Variants in DROSHA observed in about 807,000 individuals in gnomAD.
The protein encoded by DROSHA is ribonuclease 3.
Under a neutral mutation model 181.9 loss-of-function variants are expected in DROSHA, and 56 were observed. The observed-to-expected ratio is 0.31, with a 90% CI of 0.25 to 0.38. The LOEUF is 0.38. DROSHA is among the 10% of genes least tolerant of loss of function. The probability of loss-of-function intolerance (pLI) is 1.00; values close to 1 mark genes in which losing one functional copy is unlikely to be tolerated. For synonymous variants in DROSHA, 524 were observed against 591.2 expected, an observed-to-expected ratio of 0.89 and a Z score of 1.65; for missense variants, 1,218 against 1,743.5, an observed-to-expected ratio of 0.70 and a Z score of 5.37.
chr5:31,432,751 T>C (rs1235416091), intron 25 of DROSHA, among the ~76,000 whole-genome samples: 1 of 152,196 alleles, frequency 6.6e-6, no homozygotes, highest in East Asian at 1.9e-4. Context: ...CGTCAGTGTA[T>C]ACTAACTTTA....
At chr5:31,476,728 G>C (rs765034204) in intron 16 of DROSHA, among the ~76,000 whole-genome samples, 1 of 152,168 alleles carries the variant, frequency 6.6e-6, no homozygotes, top group Non-Finnish European at 1.5e-5. Context: ...TCCATGGAAA[G>C]GTAAGAGGAG....
chr5:31,525,192 G>A lies in DROSHA; in HGVS notation c.854+887C>T, dbSNP rs184149597. ...CTAAAAATACAAAAAGTAGCTGGGCGTGGTGGTGCACGCCTGTAATCCCAG... is the reference window on the plus strand; with the variant it reads ...CTAAAAATACAAAAAGTAGCTGGGCATGGTGGTGCACGCCTGTAATCCCAG... On this transcript the variant is annotated intron_variant, in intron 5 of 35. Transcript: ENST00000344624. Among the ~76,000 whole-genome samples, 10 of 151,968 alleles carry A rather than the reference G, an allele frequency of 6.6e-5. No homozygotes were observed. The East Asian group carries it at 1.2e-3, about 18-fold the overall frequency.
At chr5:31,442,698 C>T (rs941436611) in intron 23 of DROSHA, among the ~76,000 whole-genome samples, 7 of 152,032 alleles carry the variant, frequency 4.6e-5, no homozygotes, top group African/African-American at 1.4e-4. Context: ...CAGAATCTTT[C>T]GCACTCTGGC....
Position 31,515,124 on chromosome 5 carries a change from G to T in DROSHA, c.1154C>A (p.Thr385Asn), listed in dbSNP as rs1561282911. The T allele has an allele frequency of 1.2e-6, 2 of 1,613,912 alleles. No individual in the cohort carries two copies. Among genetic ancestry groups the T allele is most frequent in the Admixed American group, 3.3e-5 (2 of 60,006 alleles). Residue 385 changes from threonine to asparagine, a missense_variant, in exon 8 of 36, where the codon ACC becomes AAC. This residue lies in a region of DROSHA where 536 missense variants were observed against 535.4 expected (regional missense o/e 1.00). Coordinates refer to ENST00000344624, the MANE Select transcript of DROSHA (RefSeq NM_001382508.1). ...CTCGGGCTCTTTTTCCTTGATTGAGGTATAGTTCTTGTCTTTGCCAGAACT... is the reference window on the plus strand; with the variant it reads ...CTCGGGCTCTTTTTCCTTGATTGAGTTATAGTTCTTGTCTTTGCCAGAACT... ...NQSSGKDKNY[T>N]SIKEKEPEET...
At position 31,495,295 on chromosome 5, in the gene DROSHA, C is replaced by A; in HGVS notation, c.1746G>T (p.Thr582=). ...TTCTTTAGAAACTTACTAAAAAGTT[C>A]GTAGGCGGGGAGACTGTGATCCGGT... ...FHYRITVSPP[T]NFLTDRPTVI... Residue 582 remains threonine (T), a synonymous_variant, in exon 12 of 36, where the codon ACG becomes ACT. Coordinates refer to ENST00000344624, the MANE Select transcript of DROSHA (RefSeq NM_001382508.1). 1.2e-6 allele frequency: 2 copies of A among 1,613,502 alleles called. No individual in the cohort carries two copies. The highest frequency in any genetic ancestry group is 1.1e-5 in the South Asian group (1 of 90,952).
At chr5:31,449,169 T>C (rs1488134841) in intron 22 of DROSHA, 112 bp downstream of exon 22, 2 of 1,312,578 alleles carry the variant, frequency 1.5e-6, no homozygotes, top group East Asian at 5.1e-5. Context: ...AGCACTAGAA[T>C]ATGAGACGGT....
chr5:31,452,902 TCCACTTTG>T (rs1333724065), intron 20 of DROSHA, among the ~76,000 whole-genome samples: 1 of 152,212 alleles, frequency 6.6e-6, no homozygotes, highest in African/African-American at 2.4e-5. Flanking sequence ...CGGCACTTTA[TCCACTTTG>T]CTTTTATAAG....
At chr5:31,530,685 T>C (rs1310432743) in intron 3 of DROSHA, 113 bp downstream of exon 3, 2 of 385,488 alleles carry the variant, frequency 5.2e-6, no homozygotes, top group Admixed American at 4.5e-5. Context: ...AGTGATTTTC[T>C]ATCCATCTAT....
intron 23 of DROSHA, among the ~76,000 whole-genome samples, chr5:31,438,393 G>A (rs1172247229): frequency 6.6e-6 from 1 of 152,120 alleles, no homozygotes; most frequent in South Asian, 2.1e-4. Context: ...TGGAGAGGAG[G>A]GAAACAGTCA....
chr5:31,436,902 T>G (rs568992648), intron 24 of DROSHA, among the ~76,000 whole-genome samples: 1 of 152,194 alleles, frequency 6.6e-6, no homozygotes, highest in Non-Finnish European at 1.5e-5. Flanking sequence ...AATGACATTT[T>G]AAAATATCAT....
chr5:31,494,969 C>A (rs756414681), intron 12 of DROSHA, among the ~76,000 whole-genome samples: 1 of 152,128 alleles, frequency 6.6e-6, no homozygotes, highest in Non-Finnish European at 1.5e-5. Flanking sequence ...CCACCGCGCC[C>A]GGCCACCATT....
intron 30 of DROSHA, among the ~76,000 whole-genome samples, chr5:31,415,109 T>C (rs1430671775): frequency 1.3e-5 from 2 of 152,240 alleles, no homozygotes; most frequent in Non-Finnish European, 2.9e-5. Context: ...AAAAGATTTA[T>C]TCGTTTAAAT....
intron 3 of DROSHA, 129 bp downstream of exon 3, chr5:31,530,669 C>A: frequency 3.1e-6 from 1 of 322,204 alleles, no homozygotes; most frequent in Non-Finnish European, 5.6e-6. Flanking sequence ...ACGTATGAAT[C>A]TGCCCAGTGA....
Position 31,465,902 on chromosome 5 carries a change from G to A in DROSHA, c.2466+280C>T, listed in dbSNP as rs149708871. On this transcript the variant is annotated intron_variant, in intron 19 of 35. Transcript: ENST00000344624. ...TGCTTCTTGTACAGCCTGCAGAAAC[G>A]TGCACCAAATAAACCTCTTTTCTTT... 3.4e-3 allele frequency among the ~76,000 whole-genome samples: 524 copies of A among 152,062 alleles called. 4 individuals are homozygous for A. The highest frequency in any genetic ancestry group is 0.012 in the African/African-American group (502 of 41,488).
chr5:31,408,008 A>C (rs1019385896), intron 33 of DROSHA, among the ~76,000 whole-genome samples: 8 of 152,204 alleles, frequency 5.3e-5, no homozygotes, highest in Non-Finnish European at 1.0e-4. Flanking sequence ...ATGGTTTAGC[A>C]GTGACAACTT....
chr5:31,482,777 C>T lies in DROSHA; in HGVS notation c.2071+777G>A, dbSNP rs201946536. Among the ~76,000 whole-genome samples the T allele has an allele frequency of 4.5e-3, 644 of 144,458 alleles. 5 individuals carry two copies. Among genetic ancestry groups the T allele is most frequent in the African/African-American group, 0.015 (607 of 39,408 alleles). The allele number at this position is 144,458 out of a possible 152,430, so 94.8% of individuals were successfully genotyped here. A position where few individuals can be genotyped will look rare whatever the true frequency, so the allele number is the denominator to read the frequency against. On this transcript the variant is annotated intron_variant, in intron 16 of 35. Transcript: ENST00000344624. ...CAGAAGCCTCAAGGAGAAAGATTTG[C>T]AAACAAAAAGGCAACCAAAAGATTT...
chr5:31,422,769 T>C lies in DROSHA; in HGVS notation c.3419+18A>G. 2 of 1,613,474 alleles carry C rather than the reference T, an allele frequency of 1.2e-6. No homozygotes were observed. The highest frequency in any genetic ancestry group is 2.2e-5 in the East Asian group (1 of 44,858). On this transcript the variant is annotated intron_variant, in intron 29 of 35. Coordinates refer to ENST00000344624, the MANE Select transcript of DROSHA (RefSeq NM_001382508.1). The stretch of plus-strand genomic sequence containing the variant: ...TCTAAATGGTCACATTGGGACTACA[T>C]GAGAACTTTTAACTCACAGGGTCAG...
At chr5:31,515,633 A>C in intron 6 of DROSHA, 69 bp from the exon 7 acceptor site, 1 of 1,541,224 alleles carries the variant, frequency 6.5e-7, no homozygotes, top group Non-Finnish European at 8.8e-7. Flanking sequence ...CAATGAGAAT[A>C]CCAGTTTTGA....
At chr5:31,493,669 C>T (rs566576858) in intron 12 of DROSHA, among the ~76,000 whole-genome samples, 1 of 152,176 alleles carries the variant, frequency 6.6e-6, no homozygotes, top group African/African-American at 2.4e-5. Flanking sequence ...GACTCAAATG[C>T]AAAGTGGAAA....
Sources: allele counts gnomAD v4.1 joint callset (sites outside exome capture counted in the v4.1 genomes callset), GRCh38; gene constraint gnomAD v4.1.1; regional missense constraint gnomAD v4.1.1; transcripts MANE v1.5; gene names NCBI Gene and HGNC (gene_info 2026-07-23, HGNC 2026-07-21).